Variants in MEGF11 observed in about 807,000 individuals in gnomAD.
MEGF11 encodes multiple epidermal growth factor-like domains protein 11.
Under a neutral mutation model 146.6 loss-of-function variants are expected in MEGF11, and 126 were observed. The observed-to-expected ratio is 0.86, with a 90% CI of 0.74 to 1.00. The LOEUF (loss-of-function observed/expected upper bound fraction) is 1.00. Ranked by LOEUF, MEGF11 falls within the 50% of genes least tolerant of loss-of-function variation. The pLI is 0.00. For missense variants in MEGF11, 1,509 were observed against 1,521.2 expected (o/e 0.99, Z 0.13); for synonymous variants, 532 against 583.4 (o/e 0.91, Z 1.27).
chr15:66,061,712 T>C (rs1357485540), intron 5 of MEGF11, among the ~76,000 whole-genome samples: 2 of 151,044 alleles, frequency 1.3e-5, no homozygotes, highest in Admixed American at 1.3e-4. Flanking sequence ...CATAGCTCAC[T>C]GTGGCCTCAA....
chr15:66,198,004 C>T (rs149473684), intron 1 of MEGF11, among the ~76,000 whole-genome samples: 6 of 152,178 alleles, frequency 3.9e-5, no homozygotes, highest in East Asian at 1.9e-4. Flanking sequence ...GTGGGAGGAT[C>T]GCTAGAGCTC....
chr15:65,951,839 T>A (rs1007779362), intron 10 of MEGF11, among the ~76,000 whole-genome samples: 11 of 146,760 alleles, frequency 7.5e-5, no homozygotes, highest in South Asian at 6.4e-4. Flanking sequence ...TCTCTACAAA[T>A]TTTTTTTTTT....
chr15:66,150,438 C>T (rs2141033633), intron 1 of MEGF11, among the ~76,000 whole-genome samples: 1 of 152,204 alleles, frequency 6.6e-6, no homozygotes, highest in Non-Finnish European at 1.5e-5. Flanking sequence ...TGAAGACTTC[C>T]TTGGAGAGTA....
intron 5 of MEGF11, among the ~76,000 whole-genome samples, chr15:66,005,974 C>T (rs193169190): frequency 7.4e-4 from 112 of 152,290 alleles, no homozygotes; most frequent in African/African-American, 2.6e-3. Context: ...ATCGATCCAC[C>T]GAAATGGCTG....
At chr15:65,930,985 A>G in intron 10 of MEGF11, 42 bp from the exon 11 acceptor site, 9 of 1,509,978 alleles carry the variant, frequency 6.0e-6, no homozygotes, top group Non-Finnish European at 8.0e-6. Context: ...AGGTTGCTCC[A>G]TGTTGGATGG....
intron 1 of MEGF11, among the ~76,000 whole-genome samples, chr15:66,176,805 G>A (rs371730216): frequency 2.6e-5 from 4 of 152,194 alleles, no homozygotes; most frequent in African/African-American, 4.8e-5. Context: ...ATGACCACAG[G>A]ATAGGGGTTC....
intron 5 of MEGF11, among the ~76,000 whole-genome samples, chr15:66,025,127 A>G (rs621616): frequency 0.97 from 148,140 of 152,346 alleles, 72,170 homozygotes; most frequent in Middle Eastern, 1. Flanking sequence ...AGATGACAGT[A>G]CAGTGACTGT....
Position 65,916,882 on chromosome 15 carries a change from C to G in MEGF11, c.2161G>C (p.Glu721Gln), listed in dbSNP as rs371619569. Residue 721 changes from glutamate (E) to glutamine (Q), a missense_variant, in exon 17 of 26, where the codon GAG becomes CAG. Physicochemically the swap from Glu to Gln is conservative, Grantham distance 29. Transcript: ENST00000395614. ...SCHNGASCSA[E>Q]DGACHCTPGW... ...GGGGTGCAGTGGCAGGCCCCGTCCT[C>G]GGCGCTGCAGCTCGCCCCGTTGTGG... is the stretch of plus-strand genomic sequence containing the variant. 9 of 1,588,484 alleles carry G rather than the reference C, an allele frequency of 5.7e-6. No homozygotes were observed. The highest frequency in any genetic ancestry group is 7.7e-6 in the Non-Finnish European group (9 of 1,166,628).
intron 2 of MEGF11, among the ~76,000 whole-genome samples, chr15:66,125,994 C>T (rs188933232): frequency 3.9e-4 from 60 of 152,304 alleles, no homozygotes; most frequent in African/African-American, 1.4e-3. Context: ...TTCTCTGACC[C>T]GAAGTGTGTA....
At chr15:66,151,801 C>G (rs559073893) in intron 1 of MEGF11, among the ~76,000 whole-genome samples, 1 of 152,290 alleles carries the variant, frequency 6.6e-6, no homozygotes, top group Admixed American at 6.5e-5. Flanking sequence ...CAGCTCCGTT[C>G]GCAGCAAGAC....
intron 7 of MEGF11, among the ~76,000 whole-genome samples, chr15:65,974,929 T>C (rs1300177491): frequency 1.3e-5 from 2 of 151,910 alleles, no homozygotes; most frequent in African/African-American, 4.8e-5. Flanking sequence ...CATGGCAACC[T>C]CCACCTCCTG....
At chr15:66,233,945 CTTTTTCTTTTTTTTTTTT>C (rs2092029897) in intron 1 of MEGF11, among the ~76,000 whole-genome samples, 1 of 108,514 alleles carries the variant, frequency 9.2e-6, no homozygotes, top group Non-Finnish European at 1.8e-5. Context: ...TTTTTTTTTT[CTTTTTCTTTTTTTTTTTT>C]TTTTGAGATG....
At chr15:66,052,814 A>C (rs1047035439) in intron 5 of MEGF11, among the ~76,000 whole-genome samples, 5 of 152,232 alleles carry the variant, frequency 3.3e-5, no homozygotes, top group Non-Finnish European at 5.9e-5. Flanking sequence ...CTACGTATTG[A>C]AATTCCCAGG....
intron 9 of MEGF11, among the ~76,000 whole-genome samples, chr15:65,958,518 T>C (rs1421749076): frequency 6.6e-6 from 1 of 152,212 alleles, no homozygotes; most frequent in Non-Finnish European, 1.5e-5. Flanking sequence ...ATGGCCCCAG[T>C]GCTGAGTTTG....
intron 1 of MEGF11, among the ~76,000 whole-genome samples, chr15:66,191,343 G>A (rs1002634230): frequency 2.6e-5 from 4 of 151,906 alleles, no homozygotes. Context: ...GGTCCCTCCT[G>A]ACTAAGCTTC....
At chr15:66,085,406 GACCCTCATGGAGTCCATTGC>G (rs565231376) in intron 5 of MEGF11, among the ~76,000 whole-genome samples, 300 of 152,302 alleles carry the variant, frequency 2.0e-3, no homozygotes, top group Non-Finnish European at 3.4e-3. Context: ...CAAAGCTAAG[GACCCTCATGGAGTCCATTGC>G]ACCCTCTGCC....
intron 1 of MEGF11, among the ~76,000 whole-genome samples, chr15:66,251,287 A>G (rs1481525425): frequency 2.0e-5 from 3 of 152,048 alleles, no homozygotes; most frequent in Non-Finnish European, 4.4e-5. Context: ...ATGGAAACCT[A>G]CCCGAGGATC....
chr15:65,903,474 G>T (rs960780288), intron 24 of MEGF11, among the ~76,000 whole-genome samples: 1 of 152,172 alleles, frequency 6.6e-6, no homozygotes, highest in Non-Finnish European at 1.5e-5. Context: ...ATTGACTAAG[G>T]CTTTTGGAAT....
intron 12 of MEGF11, 56 bp from the exon 13 acceptor site, chr15:65,928,583 G>A (rs535371598): frequency 6.5e-5 from 78 of 1,197,338 alleles, no homozygotes; most frequent in Admixed American, 4.8e-4. Context: ...AGAGGTTTGT[G>A]TACTTCTATG....
Sources: gnomAD v4.1 joint callset for allele counts (sites outside exome capture counted in the v4.1 genomes callset) on GRCh38, gnomAD v4.1.1 for gene constraint, MANE v1.5 for transcripts, NCBI Gene and HGNC (gene_info 2026-07-23, HGNC 2026-07-21) for gene names.